Variants in LRRIQ1 observed in about 807,000 individuals in gnomAD.
LRRIQ1 encodes the protein leucine rich repeats and IQ motif containing 1, also known as leucine-rich repeat- and IQ domain-containing protein 1.
LRRIQ1 carries 210 observed loss-of-function variants against 211.9 expected under a neutral mutation model. That is an observed-to-expected ratio of 0.99 (90% CI 0.89 to 1.11). The LOEUF is 1.11. LRRIQ1 is among the 50% of genes most tolerant of loss of function. The pLI, the probability that LRRIQ1 is intolerant of heterozygous loss-of-function variation, is 0.00. For missense variants in LRRIQ1, 2,136 were observed against 1,939.5 expected (o/e 1.10, Z -1.90); for synonymous variants, 699 against 650.1 (o/e 1.08, Z -1.14).
chr12:85,088,122 A>G (rs1592770099), intron 11 of LRRIQ1, among the ~76,000 whole-genome samples: 1 of 152,112 alleles, frequency 6.6e-6, no homozygotes, highest in South Asian at 2.1e-4. Context: ...TAATTTTTGT[A>G]TAAGGTGTGA....
intron 10 of LRRIQ1, 109 bp downstream of exon 10, chr12:85,067,007 T>C (rs765666005): frequency 9.9e-5 from 54 of 544,942 alleles, no homozygotes; most frequent in Non-Finnish European, 1.5e-4. Flanking sequence ...CATATTTTAT[T>C]TATGTTATAC....
At chr12:85,185,920 T>C (rs1032696661) in intron 24 of LRRIQ1, among the ~76,000 whole-genome samples, 2 of 152,032 alleles carry the variant, frequency 1.3e-5, no homozygotes, top group African/African-American at 4.8e-5. Flanking sequence ...TGCTATGATA[T>C]ATAAATGATA....
Position 85,104,094 on chromosome 12 carries a change from A to G in LRRIQ1, c.3283+17A>G, listed in dbSNP as rs1396101946. 3.8e-6 allele frequency: 5 copies of G among 1,303,096 alleles called. No individual in the cohort carries two copies. The highest frequency in any genetic ancestry group is 1.5e-5 in the African/African-American group (1 of 64,556). 80.7% of individuals were successfully genotyped at this position (1,303,096 alleles called of 1,614,324 possible). On this transcript the variant is annotated intron_variant, in intron 14 of 26. Coordinates refer to ENST00000393217, the MANE Select transcript of LRRIQ1 (RefSeq NM_001079910.2). ...GTCTTTCTGGTAAGTTTAGCATAAT[A>G]TATATATTTTAATAATAGACTTTTG... is the stretch of plus-strand genomic sequence containing the variant.
At chr12:85,240,810 G>A (rs533597312) in intron 26 of LRRIQ1, among the ~76,000 whole-genome samples, 4 of 152,114 alleles carry the variant, frequency 2.6e-5, no homozygotes, top group South Asian at 4.1e-4. Flanking sequence ...TAAGCATCAC[G>A]TAATTATAGT....
chr12:85,205,143 G>A (rs1893480150), intron 24 of LRRIQ1, among the ~76,000 whole-genome samples: 1 of 152,098 alleles, frequency 6.6e-6, no homozygotes, highest in Non-Finnish European at 1.5e-5. Context: ...TTTGCCCGCT[G>A]CCATCCATGT....
In LRRIQ1 at chr12:85,057,195, T is replaced by C. The variant is rs920428290; in HGVS notation, c.2391+11T>C. On this transcript the variant is annotated intron_variant, in intron 8 of 26. Coordinates refer to ENST00000393217, the MANE Select transcript of LRRIQ1 (RefSeq NM_001079910.2). ...GATACTTTACAGCAGGTATTTCTAA[T>C]TTTATAATAATTTTTCACATTTAAT... is the stretch of plus-strand genomic sequence containing the variant. The C allele has an allele frequency of 1.0e-5, 14 of 1,383,930 alleles. No homozygotes were observed. The highest frequency in any genetic ancestry group is 1.3e-5 in the Non-Finnish European group (14 of 1,044,324). The allele number at this position is 1,383,930 out of a possible 1,614,324, so 85.7% of individuals were successfully genotyped here.
intron 24 of LRRIQ1, among the ~76,000 whole-genome samples, chr12:85,194,774 A>G (rs1892800400): frequency 6.6e-6 from 1 of 152,188 alleles, no homozygotes; most frequent in Non-Finnish European, 1.5e-5. Flanking sequence ...TAGAAAAGCA[A>G]GAGCAAACAC....
intron 6 of LRRIQ1, chr12:85,048,025 G>C (rs1228497432): frequency 1.3e-5 from 2 of 152,962 alleles, no homozygotes; most frequent in African/African-American, 4.8e-5. Flanking sequence ...TCAGATCATA[G>C]TGGTGGTATA....
chr12:85,267,384 C>A (rs1247728992), downstream of LRRIQ1, among the ~76,000 whole-genome samples: 1 of 151,780 alleles, frequency 6.6e-6, no homozygotes, highest in East Asian at 1.9e-4. Flanking sequence ...ATATTAGCCC[C>A]TAAAATTACA....
intron 24 of LRRIQ1, among the ~76,000 whole-genome samples, chr12:85,184,737 A>T (rs1235764379): frequency 2.6e-5 from 4 of 151,926 alleles, no homozygotes; most frequent in African/African-American, 9.7e-5. Flanking sequence ...TGTAACTTGG[A>T]TGTGAAATAT....
intron 15 of LRRIQ1, among the ~76,000 whole-genome samples, chr12:85,107,915 C>T (rs1886897746): frequency 6.6e-6 from 1 of 152,020 alleles, no homozygotes; most frequent in Admixed American, 6.6e-5. Flanking sequence ...TCTAATCATG[C>T]TCATGCTTTC....
intron 24 of LRRIQ1, among the ~76,000 whole-genome samples, chr12:85,217,835 T>C (rs1894229570): frequency 6.6e-6 from 1 of 150,978 alleles, no homozygotes; most frequent in African/African-American, 2.4e-5. Flanking sequence ...GGCAGTAATA[T>C]TTATGTGGCC....
chr12:85,040,825 T>G (rs1878794529), intron 3 of LRRIQ1, among the ~76,000 whole-genome samples: 1 of 151,580 alleles, frequency 6.6e-6, no homozygotes, highest in East Asian at 1.9e-4. Context: ...ATCAGCATTT[T>G]GTTTCCGCAG....
At chr12:85,219,687 T>A (rs1371082450) in intron 24 of LRRIQ1, among the ~76,000 whole-genome samples, 1 of 152,092 alleles carries the variant, frequency 6.6e-6, no homozygotes. Context: ...TTGGCACTAT[T>A]CCCAAAATTT....
At chr12:85,259,460 A>T (rs377691499) in intron 1 of LRRIQ1, among the ~76,000 whole-genome samples, 41 of 151,972 alleles carry the variant, frequency 2.7e-4, no homozygotes, top group African/African-American at 9.9e-4. Context: ...TCTCTCAGAG[A>T]TGTGTTATTT....
rs527765195 is a variant in LRRIQ1, at chr12:85,082,756, C to T, written c.2887+9658C>T. 3.9e-4 allele frequency among the ~76,000 whole-genome samples: 59 copies of T among 152,258 alleles called. 1 individual carries two copies. In the South Asian group the frequency reaches 9.5e-3, roughly 25 times the overall value. On this transcript the variant is annotated intron_variant, in intron 11 of 26. Transcript: ENST00000393217. Reference sequence around the variant, plus strand: ...TTATTTCTGCTAACTCTTATGATACCATATTGCATTGTGTATTTCATGCCT... The same window carrying T: ...TTATTTCTGCTAACTCTTATGATACTATATTGCATTGTGTATTTCATGCCT...
chr12:85,246,984 G>A (rs1895740765), downstream of LRRIQ1, among the ~76,000 whole-genome samples: 1 of 151,272 alleles, frequency 6.6e-6, no homozygotes, highest in South Asian at 2.1e-4. Flanking sequence ...AGTTGTTGTT[G>A]GGATCAAATG....
At chr12:85,186,543 T>A (rs944896846) in intron 24 of LRRIQ1, among the ~76,000 whole-genome samples, 1 of 152,166 alleles carries the variant, frequency 6.6e-6, no homozygotes, top group Non-Finnish European at 1.5e-5. Flanking sequence ...GCCCCTTTAG[T>A]CTGAGTAACA....
intron 4 of LRRIQ1, 54 bp from the exon 5 acceptor site, chr12:85,045,966 C>T (rs1879499765): frequency 1.0e-6 from 1 of 1,002,648 alleles, no homozygotes; most frequent in African/African-American, 1.6e-5. Context: ...AAAACGACAG[C>T]TTTACTCTCT....
Sources: gnomAD v4.1 joint callset for allele counts (sites outside exome capture counted in the v4.1 genomes callset) on GRCh38, gnomAD v4.1.1 for gene constraint, MANE v1.5 for transcripts, NCBI Gene and HGNC (gene_info 2026-07-23, HGNC 2026-07-21) for gene names.